Variants in NCOR2 observed in about 807,000 individuals in gnomAD.
NCOR2 encodes CTG repeat protein 26.
Under a neutral mutation model 262.9 loss-of-function variants are expected in NCOR2, and 81 were observed. The ratio of observed to expected loss-of-function variants is 0.31; its 90% CI spans 0.26 to 0.37. The LOEUF is 0.37. NCOR2 is among the 10% of genes least tolerant of loss of function. The pLI is 1.00. For synonymous variants in NCOR2, 1,659 were observed against 1,559.3 expected, an observed-to-expected ratio of 1.06 and a Z score of -1.51; for missense variants, 3,385 against 3,621.4, an observed-to-expected ratio of 0.93 and a Z score of 1.68.
intron 1 of NCOR2, among the ~76,000 whole-genome samples, chr12:124,550,803 G>A (rs890702510): frequency 7.2e-5 from 11 of 152,192 alleles, no homozygotes; most frequent in Admixed American, 2.6e-4. Context: ...CAAAGCCCCC[G>A]TGGAGCACCC....
intron 8 of NCOR2, among the ~76,000 whole-genome samples, chr12:124,434,817 CAACA>C (rs1489542797): frequency 1.3e-5 from 2 of 152,104 alleles, no homozygotes; most frequent in East Asian, 3.9e-4. Flanking sequence ...AATAGTGCAA[CAACA>C]AACATGTTAT....
At chr12:124,413,949 C>A (rs568307009) in intron 13 of NCOR2, among the ~76,000 whole-genome samples, 1 of 151,524 alleles carries the variant, frequency 6.6e-6, no homozygotes, top group Admixed American at 6.6e-5. Flanking sequence ...CTCCCACCCA[C>A]CCCATATCAG....
chr12:124,333,897 C>CGCGCATGTGTGT (rs59769914), intron 41 of NCOR2, among the ~76,000 whole-genome samples: 2,880 of 123,662 alleles, frequency 0.023, 190 homozygotes, highest in Middle Eastern at 0.087. Context: ...TGTGTGTGTG[C>CGCGCATGTGTGT]GCGCGCATGT....
At chr12:124,479,997 G>A (rs1191999321) in intron 3 of NCOR2, among the ~76,000 whole-genome samples, 2 of 152,190 alleles carry the variant, frequency 1.3e-5, no homozygotes, top group Admixed American at 6.5e-5. Context: ...GGCAGTCGGC[G>A]CTCACTTAAT....
chr12:124,346,720 G>A (rs771817158), exon 31 of NCOR2: 3 of 1,564,852 alleles, frequency 1.9e-6, no homozygotes, highest in East Asian at 2.3e-5. Context: ...GGGGGCCCAG[G>A]GCCTGCGTCT....
exon 8 of NCOR2, chr12:124,437,988 G>A (rs1457280740): frequency 3.7e-6 from 6 of 1,610,432 alleles, no homozygotes; most frequent in African/African-American, 2.7e-5. Flanking sequence ...CTTCCGCATC[G>A]CCTGGTTTCT....
At chr12:124,506,480 C>T (rs1164732314) in intron 1 of NCOR2, among the ~76,000 whole-genome samples, 1 of 151,854 alleles carries the variant, frequency 6.6e-6, no homozygotes, top group Non-Finnish European at 1.5e-5. Context: ...CTCCTCCCCT[C>T]CTTTTTTTTT....
Position 124,385,778 on chromosome 12 carries a change from G to A in NCOR2, c.1986C>T (p.Leu662=), listed in dbSNP as rs369119404. The change falls in exon 17 of 47, where the codon CTC becomes CTT. Residue 662 remains leucine, a synonymous_variant. Coordinates refer to ENST00000405201, the Ensembl canonical transcript of NCOR2. ...GCTTGTGCTGCTGCAAGATCTCATC[G>A]AGGTTCTGCCTCTTCTTGTAGTTGA... The A allele has an allele frequency of 7.5e-5, 121 of 1,613,852 alleles. No homozygotes were observed. The highest frequency in any genetic ancestry group is 9.3e-5 in the Non-Finnish European group (110 of 1,180,002).
chr12:124,561,250 A>G (rs894717704), intron 1 of NCOR2, among the ~76,000 whole-genome samples: 3 of 152,186 alleles, frequency 2.0e-5, no homozygotes, highest in South Asian at 2.1e-4. Context: ...GTATAGTAGG[A>G]GTCACTATGG....
At chr12:124,564,196 C>T (rs559651014) in intron 1 of NCOR2, among the ~76,000 whole-genome samples, 10 of 152,334 alleles carry the variant, frequency 6.6e-5, no homozygotes, top group African/African-American at 1.2e-4. Flanking sequence ...AGTTCCCTGG[C>T]TCCAAGCTCC....
chr12:124,333,061 G>T, intron 42 of NCOR2, 69 bp downstream of exon 44: 1 of 1,514,216 alleles, frequency 6.6e-7, no homozygotes, highest in Non-Finnish European at 8.9e-7. Flanking sequence ...CACCACGGTG[G>T]ACTGGGGCCA....
At chr12:124,409,616 CT>C (rs1353565151) in intron 13 of NCOR2, among the ~76,000 whole-genome samples, 3 of 151,778 alleles carry the variant, frequency 2.0e-5, no homozygotes, top group South Asian at 2.1e-4. Context: ...CTTGTTTGCC[CT>C]TTTTTTTGGA....
chr12:124,520,752 G>T (rs994636514), intron 1 of NCOR2, among the ~76,000 whole-genome samples: 8 of 152,168 alleles, frequency 5.3e-5, no homozygotes, highest in African/African-American at 1.9e-4. Flanking sequence ...CTCAGCAAAA[G>T]AACTCCCCAT....
At chr12:124,428,059 G>GTGTGTC (rs1327796530) in intron 10 of NCOR2, among the ~76,000 whole-genome samples, 1 of 133,262 alleles carries the variant, frequency 7.5e-6, no homozygotes, top group Non-Finnish European at 1.7e-5. Flanking sequence ...GTGTGTGTGT[G>GTGTGTC]TGTGTGTGTG....
At chr12:124,554,224 G>T (rs988453276) in intron 1 of NCOR2, among the ~76,000 whole-genome samples, 1 of 152,180 alleles carries the variant, frequency 6.6e-6, no homozygotes, top group African/African-American at 2.4e-5. Flanking sequence ...CCGCGAGGTG[G>T]CATCACTCCC....
At chr12:124,330,093 C>T (rs532705112) in intron 44 of NCOR2, among the ~76,000 whole-genome samples, 1 of 152,322 alleles carries the variant, frequency 6.6e-6, no homozygotes, top group Admixed American at 6.5e-5. Flanking sequence ...GGAAGATCAG[C>T]AAACCTCTCC....
intron 1 of NCOR2, among the ~76,000 whole-genome samples, chr12:124,502,804 G>A (rs1271708984): frequency 5.3e-5 from 8 of 152,158 alleles, no homozygotes; most frequent in Non-Finnish European, 1.0e-4. Context: ...CCCCTGTGTC[G>A]AGGAGCACTG....
intron 1 of NCOR2, among the ~76,000 whole-genome samples, chr12:124,489,237 A>G (rs549335255): frequency 1.3e-5 from 2 of 152,234 alleles, no homozygotes; most frequent in East Asian, 3.9e-4. Flanking sequence ...GAGCTCCCCA[A>G]CGCGACAACA....
upstream of NCOR2, chr12:124,495,267 C>CG (rs2048322715): frequency 6.2e-7 from 1 of 1,606,514 alleles, no homozygotes; most frequent in Non-Finnish European, 8.5e-7. The surrounding 1 kb of genome is among the most constrained non-coding windows in gnomAD (Gnocchi z 4.4). Flanking sequence ...TGGGGGTCGG[C>CG]GGGGAGCTGC....
Sources: allele counts gnomAD v4.1 joint callset (sites outside exome capture counted in the v4.1 genomes callset), GRCh38; gene constraint gnomAD v4.1.1; non-coding constraint Gnocchi (gnomAD v3.1); transcripts MANE v1.5; gene names NCBI Gene and HGNC (gene_info 2026-07-23, HGNC 2026-07-21).